SREBF2: variants seen among roughly 807,000 people sequenced by gnomAD.
SREBF2 encodes sterol regulatory element-binding protein 2.
A neutral mutation model predicts 113.1 loss-of-function variants in SREBF2; 55 were observed. The ratio of observed to expected loss-of-function variants is 0.49; its 90% CI spans 0.39 to 0.61. The LOEUF (loss-of-function observed/expected upper bound fraction) is 0.61. SREBF2 is among the 20% of genes least tolerant of loss of function. The pLI, the probability that SREBF2 is intolerant of heterozygous loss-of-function variation, is 0.00. For missense variants in SREBF2, 1,349 were observed against 1,487.4 expected, an observed-to-expected ratio of 0.91 and a Z score of 1.53; for synonymous variants, 593 against 605.7, an observed-to-expected ratio of 0.98 and a Z score of 0.31.
chr22:41,884,653 G>A (rs879907869), intron 10 of SREBF2, among the ~76,000 whole-genome samples, 189 bp from the exon 11 acceptor site: 7 of 152,160 alleles, frequency 4.6e-5, no homozygotes, highest in Admixed American at 4.6e-4. Flanking sequence ...ACCCTGTGAG[G>A]TAGACAGGAA....
At chr22:41,890,088 A>T (rs867746687) in intron 11 of SREBF2, among the ~76,000 whole-genome samples, 3 of 152,016 alleles carry the variant, frequency 2.0e-5, no homozygotes, top group Admixed American at 6.6e-5. Flanking sequence ...TTATTTATTT[A>T]TTTTTTGAGA....
At chr22:41,896,275 C>T (rs562318659) in intron 13 of SREBF2, among the ~76,000 whole-genome samples, 55 of 152,340 alleles carry the variant, frequency 3.6e-4, no homozygotes, top group African/African-American at 1.3e-3. Context: ...GACATACTTA[C>T]TGAGCACAGT....
rs2077187282 is a variant in SREBF2, at chr22:41,875,496, G to A, written c.1204+45G>A. On this transcript the variant is annotated intron_variant, in intron 6 of 18. Coordinates refer to ENST00000361204, the MANE Select transcript of SREBF2 (RefSeq NM_004599.4). The stretch of plus-strand genomic sequence containing the variant: ...GCTTGTCAGCCCTGGCCCAGGTGGG[G>A]CTTTGTAAAAGCAGATCATTTTCAC... 3.7e-6 allele frequency: 6 copies of A among 1,614,222 alleles called. No individual in the cohort carries two copies. In the East Asian group the frequency reaches 1.3e-4, roughly 36 times the overall value.
chr22:41,900,245 G>A (rs1028899294), intron 15 of SREBF2, 85 bp from the exon 16 acceptor site: 23 of 1,576,878 alleles, frequency 1.5e-5, no homozygotes, highest in African/African-American at 1.2e-4. Context: ...AGTGTGGGGC[G>A]TGGCAGTCAC....
rs766019678 is a variant in SREBF2, at chr22:41,877,432, GC to G, written c.1579+15del. The G allele has an allele frequency of 6.2e-7, 1 of 1,613,810 alleles. No homozygotes were observed. Among genetic ancestry groups the G allele is most frequent in the South Asian group, 1.1e-5 (1 of 91,038 alleles). ...TGTCATTCGAGTCAGGTAGGTGGAG[GC>G]CCCTTGCCCCACCTGGGCATGGCTG... On this transcript the variant is annotated intron_variant, in intron 8 of 18. Coordinates refer to ENST00000361204, the MANE Select transcript of SREBF2 (RefSeq NM_004599.4).
intron 1 of SREBF2, among the ~76,000 whole-genome samples, chr22:41,837,188 C>T (rs1382506044): frequency 6.6e-6 from 1 of 151,904 alleles, no homozygotes; most frequent in Non-Finnish European, 1.5e-5. Context: ...TTCGGAAGTC[C>T]AGGGAGGCTT....
At chr22:41,861,933 T>C (rs966076646) in intron 1 of SREBF2, among the ~76,000 whole-genome samples, 1 of 151,502 alleles carries the variant, frequency 6.6e-6, no homozygotes, top group Non-Finnish European at 1.5e-5. Context: ...AAAAAAAAAA[T>C]TATTAAAAAC....
intron 1 of SREBF2, among the ~76,000 whole-genome samples, chr22:41,860,127 A>G (rs1174692949): frequency 1.3e-5 from 2 of 151,908 alleles, no homozygotes; most frequent in African/African-American, 4.8e-5. Context: ...CTTAATTGCT[A>G]TGTCATTCTT....
chr22:41,883,500 C>G (rs2077269468), intron 10 of SREBF2, among the ~76,000 whole-genome samples: 1 of 152,196 alleles, frequency 6.6e-6, no homozygotes, highest in Admixed American at 6.5e-5. Flanking sequence ...AGCCCATACT[C>G]AGGTCTCTGA....
At chr22:41,878,657 AG>A (rs1278768931) in intron 9 of SREBF2, 2 of 1,303,208 alleles carry the variant, frequency 1.5e-6, no homozygotes, top group Admixed American at 4.6e-5. Flanking sequence ...TGAAATCAAC[AG>A]GGAGTTTACG....
chr22:41,905,437 C>G lies in SREBF2; in HGVS notation c.3206-3C>G. On this transcript the variant is annotated splice_region_variant and splice_polypyrimidine_tract_variant and intron_variant, in intron 18 of 18. Transcript: ENST00000361204. Reference sequence around the variant, plus strand: ...GGTTGTGACACACATCTCCTTCCCACAGGAGAGGTGGATGCCTGGCCCGGC... The same window carrying G: ...GGTTGTGACACACATCTCCTTCCCAGAGGAGAGGTGGATGCCTGGCCCGGC... 6.4e-7 allele frequency: 1 copy of G among 1,568,924 alleles called. No homozygotes were observed. The highest frequency in any genetic ancestry group is 8.6e-7 in the Non-Finnish European group (1 of 1,158,672).
chr22:41,892,969 C>T (rs2077378504), intron 11 of SREBF2, 148 bp from the exon 12 acceptor site: 1 of 960,186 alleles, frequency 1.0e-6, no homozygotes. Flanking sequence ...GCTTTACTTT[C>T]AGGTACCTGT....
At chr22:41,872,375 G>A (rs1244297095) in intron 4 of SREBF2, among the ~76,000 whole-genome samples, 2 of 152,060 alleles carry the variant, frequency 1.3e-5, no homozygotes, top group African/African-American at 4.8e-5. Flanking sequence ...TGGTGACAAG[G>A]AGGGGAGGGG....
intron 11 of SREBF2, among the ~76,000 whole-genome samples, chr22:41,889,574 C>T (rs972487913): frequency 1.9e-4 from 29 of 151,992 alleles, no homozygotes; most frequent in Admixed American, 2.6e-4. Context: ...GGTCCCAGCT[C>T]CTCAGGAGAC....
rs768481501 is a variant in SREBF2 at position 41,868,834 on chromosome 22, TG to T, written c.720+43del. On this transcript the variant is annotated intron_variant, in intron 3 of 18. Transcript: ENST00000361204. ...GATTCAGGGAGGCACTGGTTGGGGC[TG>T]TTAACTGGTCCTTGGTTGAAGATGT... is the stretch of plus-strand genomic sequence containing the variant. The T allele has an allele frequency of 5.1e-6, 8 of 1,567,462 alleles. No homozygotes were observed. In the African/African-American group the frequency reaches 9.5e-5, roughly 19 times the overall value.
chr22:41,835,461 C>T (rs1303302757), intron 1 of SREBF2, among the ~76,000 whole-genome samples: 1 of 151,906 alleles, frequency 6.6e-6, no homozygotes, highest in Non-Finnish European at 1.5e-5. Context: ...CAGGCATGCG[C>T]CACCACGCCC....
At chr22:41,894,310 A>G (rs1316867460) in intron 12 of SREBF2, among the ~76,000 whole-genome samples, 1 of 152,188 alleles carries the variant, frequency 6.6e-6, no homozygotes, top group Non-Finnish European at 1.5e-5. Flanking sequence ...TCAGCTATCC[A>G]AGCATTGCAA....
chr22:41,868,409 C>T (rs992953255), intron 2 of SREBF2, among the ~76,000 whole-genome samples: 3 of 152,218 alleles, frequency 2.0e-5, no homozygotes, highest in African/African-American at 7.2e-5. Context: ...ACAATTTGTA[C>T]TCGTTCCCTC....
rs1158106752 is a variant in SREBF2, at chr22:41,833,664, G to A, written c.88+306G>A. On this transcript the variant is annotated intron_variant, in intron 1 of 18. Coordinates refer to ENST00000361204, the MANE Select transcript of SREBF2 (RefSeq NM_004599.4). The surrounding 1 kb of genome is among the most constrained non-coding windows in gnomAD (Gnocchi z 4.1). ...GGCGTCTCAGGGAGCGGCCTAAGGAGAGCGCGTGGCCGCCGCCTCCCTCGC... is the reference window on the plus strand; with the variant it reads ...GGCGTCTCAGGGAGCGGCCTAAGGAAAGCGCGTGGCCGCCGCCTCCCTCGC... 1.1e-5 allele frequency: 3 copies of A among 281,572 alleles called. No individual in the cohort carries two copies. Among genetic ancestry groups the A allele is most frequent in the African/African-American group, 6.6e-5 (3 of 45,328 alleles). The allele number at this position is 281,572 out of a possible 1,614,324, so 17.4% of individuals were successfully genotyped here.
Sources: gnomAD v4.1 joint callset for allele counts (sites outside exome capture counted in the v4.1 genomes callset) on GRCh38, gnomAD v4.1.1 for gene constraint, Gnocchi (gnomAD v3.1) non-coding constraint, MANE v1.5 for transcripts, NCBI Gene and HGNC (gene_info 2026-07-23, HGNC 2026-07-21) for gene names.